DHRSX: variants seen among roughly 807,000 people sequenced by gnomAD.
The protein encoded by DHRSX is dehydrogenase/reductase X-linked.
A neutral mutation model predicts 34.0 loss-of-function variants in DHRSX; 31 were observed. The ratio of observed to expected loss-of-function variants is 0.91; its 90% CI spans 0.69 to 1.23. The LOEUF is 1.23. DHRSX is among the 50% of genes most tolerant of loss of function. The pLI is 0.00. For missense variants in DHRSX, 414 were observed against 428.1 expected (o/e 0.97, Z 0.29); for synonymous variants, 201 against 183.8 (o/e 1.09, Z -0.76).
intron 4 of DHRSX, among the ~76,000 whole-genome samples, chrX:2,276,453 A>G (rs2041650576): frequency 6.6e-6 from 1 of 152,182 alleles, no homozygotes; most frequent in Non-Finnish European, 1.5e-5. Flanking sequence ...ACTATCGTCC[A>G]TCGATCTGCC....
chrX:2,363,014 G>T (rs767015562), intron 3 of DHRSX, among the ~76,000 whole-genome samples: 20 of 107,978 alleles, frequency 1.9e-4, no homozygotes, highest in African/African-American at 6.1e-4. Context: ...ATATCATGCC[G>T]CCATTTTATC....
At chrX:2,231,987 TCCTC>T (rs1213860036) in intron 6 of DHRSX, among the ~76,000 whole-genome samples, 6 of 150,792 alleles carry the variant, frequency 4.0e-5, no homozygotes, top group African/African-American at 7.3e-5. Flanking sequence ...TTTTCTCTAT[TCCTC>T]CCTTTTTCCT....
chrX:2,292,802 C>G (rs151296975), intron 3 of DHRSX, among the ~76,000 whole-genome samples: 2 of 151,556 alleles, frequency 1.3e-5, no homozygotes, highest in East Asian at 3.9e-4. Flanking sequence ...TTATGGATCC[C>G]TTGCTACAGA....
intron 3 of DHRSX, among the ~76,000 whole-genome samples, chrX:2,362,308 T>C (rs748169775): frequency 6.6e-6 from 1 of 152,284 alleles, no homozygotes; most frequent in East Asian, 1.9e-4. Context: ...TTTTTGTTTG[T>C]TTGTTTTTGA....
intron 1 of DHRSX, among the ~76,000 whole-genome samples, chrX:2,451,794 C>A (rs774704207): frequency 6.6e-6 from 1 of 152,222 alleles, no homozygotes; most frequent in South Asian, 2.1e-4. Context: ...GCCAAGGGAC[C>A]GCCACTGTGT....
chrX:2,470,163 A>G (rs1180256454), intron 1 of DHRSX, among the ~76,000 whole-genome samples: 2 of 150,684 alleles, frequency 1.3e-5, no homozygotes, highest in Non-Finnish European at 2.9e-5. Context: ...CAAATACTGT[A>G]TCATCTCGTA....
intron 3 of DHRSX, among the ~76,000 whole-genome samples, chrX:2,368,803 T>G (rs2043023956): frequency 6.6e-6 from 1 of 152,024 alleles, no homozygotes; most frequent in African/African-American, 2.4e-5. Flanking sequence ...TGAGCCAAGA[T>G]TGTGCCACTG....
intron 5 of DHRSX, among the ~76,000 whole-genome samples, chrX:2,259,590 T>C (rs898230098): frequency 2.0e-5 from 3 of 152,182 alleles, no homozygotes; most frequent in African/African-American, 7.2e-5. Context: ...ACAGACTGGA[T>C]GCTTCAAAGT....
rs192685512 is a variant in DHRSX at position 2,346,342 on chromosome X, C to G, written c.287-54739G>C. ...GCAATGTGCCATCCAGGATTTAATACGTGCTCAAATATTGCCGAGTGTGGT... is the reference window on the plus strand; with the variant it reads ...GCAATGTGCCATCCAGGATTTAATAGGTGCTCAAATATTGCCGAGTGTGGT... On this transcript the variant is annotated intron_variant, in intron 3 of 6. Coordinates refer to ENST00000334651, the MANE Select transcript of DHRSX (RefSeq NM_145177.3). 2.0e-4 allele frequency among the ~76,000 whole-genome samples: 30 copies of G among 152,198 alleles called. No individual in the cohort carries two copies. The East Asian group carries it at 5.0e-3, about 25-fold the overall frequency.
chrX:2,400,599 C>T (rs926340826), intron 3 of DHRSX, among the ~76,000 whole-genome samples: 4 of 152,176 alleles, frequency 2.6e-5, no homozygotes, highest in African/African-American at 9.6e-5. Context: ...CAGAAGATAC[C>T]TGTGCACAGA....
chrX:2,275,128 T>C (rs1437044052), intron 4 of DHRSX, among the ~76,000 whole-genome samples: 9 of 152,282 alleles, frequency 5.9e-5, no homozygotes, highest in Non-Finnish European at 1.3e-4. Context: ...ATCATGTTTT[T>C]TTCGGCATCA....
intron 3 of DHRSX, among the ~76,000 whole-genome samples, chrX:2,310,987 G>C (rs1463731193): frequency 6.6e-6 from 1 of 151,722 alleles, no homozygotes; most frequent in African/African-American, 2.4e-5. Context: ...CTTGAATCCG[G>C]GAGGCGGAGG....
At chrX:2,232,676 A>C (rs755979049) in intron 6 of DHRSX, among the ~76,000 whole-genome samples, 1 of 152,018 alleles carries the variant, frequency 6.6e-6, no homozygotes, top group African/African-American at 2.4e-5. Context: ...AAGTTCAAGC[A>C]ATTCTCCTGC....
chrX:2,237,117 C>T (rs1261874647), intron 6 of DHRSX, among the ~76,000 whole-genome samples: 1 of 151,844 alleles, frequency 6.6e-6, no homozygotes, highest in African/African-American at 2.4e-5. Flanking sequence ...ACCCAGGAGG[C>T]GGAGGTTGCA....
At chrX:2,245,961 C>CAAAAA (rs1349755698) in intron 5 of DHRSX, among the ~76,000 whole-genome samples, 8 of 59,328 alleles carry the variant, frequency 1.3e-4, no homozygotes, top group South Asian at 7.9e-4. Context: ...GACTCCATCT[C>CAAAAA]AAAAAAAACA....
chrX:2,314,475 A>AAGGAAGGAAGGGGAGAAGGAAGGGAGGG (rs2042216131), intron 3 of DHRSX, among the ~76,000 whole-genome samples: 1 of 65,826 alleles, frequency 1.5e-5, no homozygotes, highest in Non-Finnish European at 2.8e-5. Flanking sequence ...GGGGAGAAGG[A>AAGGAAGGAAGGGGAGAAGGAAGGGAGGG]AGGAAGGAAG....
chrX:2,399,276 G>T (rs1186714392), intron 3 of DHRSX, among the ~76,000 whole-genome samples: 1 of 151,990 alleles, frequency 6.6e-6, no homozygotes, highest in African/African-American at 2.4e-5. Flanking sequence ...CAACAGGAAC[G>T]CATGAGTCTA....
rs773579722 is a variant in DHRSX at position 2,334,074 on chromosome X, G to A, written c.287-42471C>T. Among the ~76,000 whole-genome samples, 18 of 151,644 alleles carry A rather than the reference G, an allele frequency of 1.2e-4. No individual in the cohort carries two copies. In the East Asian group the frequency reaches 2.5e-3, roughly 21 times the overall value. On this transcript the variant is annotated intron_variant, in intron 3 of 6. Coordinates refer to ENST00000334651, the MANE Select transcript of DHRSX (RefSeq NM_145177.3). ...GCAATGAACATTCATGTGCAAAAGT[G>A]TCTTTACGGTAGAATAATTGGTATT...
chrX:2,300,287 T>C (rs1264093663), intron 3 of DHRSX, among the ~76,000 whole-genome samples: 3 of 152,158 alleles, frequency 2.0e-5, no homozygotes, highest in Non-Finnish European at 4.4e-5. Flanking sequence ...CCAATGTGAC[T>C]TTATTTGCAG....
Sources: allele counts gnomAD v4.1 joint callset (sites outside exome capture counted in the v4.1 genomes callset), GRCh38; gene constraint gnomAD v4.1.1; transcripts MANE v1.5; gene names NCBI Gene and HGNC (gene_info 2026-07-23, HGNC 2026-07-21).